Variants in HFM1 observed in about 807,000 individuals in gnomAD.
The protein encoded by HFM1 is helicase for meiosis 1.
HFM1 carries 169 observed loss-of-function variants against 192.1 expected under a neutral mutation model. That is an observed-to-expected ratio of 0.88 (90% confidence interval 0.78 to 1.00). HFM1 has a LOEUF of 1.00. Ranked by LOEUF, HFM1 falls within the 50% of genes least tolerant of loss-of-function variation. The pLI is 0.00. For missense variants in HFM1, 1,661 were observed against 1,668.0 expected (o/e 1.00, Z 0.07); for synonymous variants, 525 against 537.8 (o/e 0.98, Z 0.33).
intron 13 of HFM1, among the ~76,000 whole-genome samples, chr1:91,374,043 C>T (rs965336968): frequency 1.3e-5 from 2 of 152,044 alleles, no homozygotes; most frequent in African/African-American, 4.8e-5. Flanking sequence ...TACAGGGAAA[C>T]TGATGGCTAT....
intron 3 of HFM1, 48 bp from the exon 4 acceptor site, chr1:91,394,450 A>T: frequency 9.1e-7 from 1 of 1,097,554 alleles, no homozygotes; most frequent in Non-Finnish European, 1.3e-6. Flanking sequence ...CATTAAAGGA[A>T]ATTTTCAAAA....
At position 91,276,732 on chromosome 1, in the gene HFM1, C is replaced by T. The variant is rs1464503780; in HGVS notation, c.3484G>A (p.Val1162Ile). Residue 1162 changes from valine to isoleucine, a missense_variant, in exon 32 of 39, where the codon GTT (valine) becomes ATT (isoleucine). Val to Ile is a conservative substitution (Grantham distance 29). Transcript: ENST00000370425. ...TCTTTAATTTCTGACTTCTGTGCAA[C>T]TCCAATTTTACCTATGAAAAGAAAC... is the stretch of plus-strand genomic sequence containing the variant. ...TCGHDCCKIG[V>I]AQKSEIKEST... The T allele has an allele frequency of 6.8e-7, 1 of 1,462,632 alleles. No individual in the cohort carries two copies. The highest frequency in any genetic ancestry group is 1.3e-5 in the South Asian group (1 of 74,122). The allele number at this position is 1,462,632 out of a possible 1,614,324, so 90.6% of individuals were successfully genotyped here.
At chr1:91,285,079 C>T (rs1203506128) in intron 30 of HFM1, among the ~76,000 whole-genome samples, 1 of 152,122 alleles carries the variant, frequency 6.6e-6, no homozygotes, top group Non-Finnish European at 1.5e-5. Flanking sequence ...CTCATTCTCT[C>T]TTGTCTGCCA....
chr1:91,364,632 A>ATAT (rs753472335), intron 13 of HFM1, among the ~76,000 whole-genome samples: 997 of 66,752 alleles, frequency 0.015, 20 homozygotes, highest in South Asian at 0.028. Flanking sequence ...ATATATATAT[A>ATAT]TTTTTTTTTT....
At chr1:91,378,750 T>C (rs1048991129) in intron 9 of HFM1, among the ~76,000 whole-genome samples, 1 of 152,038 alleles carries the variant, frequency 6.6e-6, no homozygotes, top group Admixed American at 6.6e-5. Context: ...TATTTTTAAA[T>C]TCTACCAAGG....
intron 20 of HFM1, among the ~76,000 whole-genome samples, chr1:91,333,068 G>A (rs553389564): frequency 3.2e-4 from 49 of 152,230 alleles, no homozygotes; most frequent in African/African-American, 1.1e-3. Context: ...TAAAAAGAGA[G>A]CTACTATATG....
chr1:91,265,509 T>C (rs1665675963), intron 36 of HFM1, among the ~76,000 whole-genome samples: 1 of 400 alleles, frequency 2.5e-3, no homozygotes, highest in African/African-American at 2.9e-3. Context: ...TATTTGGGTT[T>C]GCGACCCGAC....
chr1:91,291,779 T>C (rs955657331), intron 30 of HFM1, among the ~76,000 whole-genome samples: 1 of 151,984 alleles, frequency 6.6e-6, no homozygotes, highest in Non-Finnish European at 1.5e-5. Flanking sequence ...ATATCCTTGA[T>C]GAACATTGAT....
intron 17 of HFM1, among the ~76,000 whole-genome samples, chr1:91,351,171 G>A (rs1309348639): frequency 2.0e-5 from 3 of 151,716 alleles, no homozygotes; most frequent in Admixed American, 1.3e-4. Flanking sequence ...ATAGGTTCCA[G>A]ATTTCCTCTA....
chr1:91,366,298 T>C (rs1322416644), intron 13 of HFM1, among the ~76,000 whole-genome samples: 2 of 152,186 alleles, frequency 1.3e-5, no homozygotes, highest in Non-Finnish European at 2.9e-5. Context: ...ACCAGATATT[T>C]CTATGTGAAT....
intron 30 of HFM1, among the ~76,000 whole-genome samples, chr1:91,285,160 C>G (rs1224028118): frequency 6.6e-6 from 1 of 152,154 alleles, no homozygotes; most frequent in African/African-American, 2.4e-5. Flanking sequence ...ACTGTGAGCC[C>G]ATCGAACCTC....
In HFM1 at chr1:91,262,294, T is replaced by G. The variant is rs760369118; in HGVS notation, c.4185A>C (p.Lys1395Asn). 2 of 1,492,048 alleles carry G rather than the reference T, an allele frequency of 1.3e-6. No individual in the cohort carries two copies. The highest frequency in any genetic ancestry group is 2.8e-5 in the African/African-American group (2 of 71,300). The allele number at this position is 1,492,048 out of a possible 1,614,324, so 92.4% of individuals were successfully genotyped here. A position where few individuals can be genotyped will look rare whatever the true frequency, so the allele number is the denominator to read the frequency against. Residue 1395 changes from lysine to asparagine, a missense_variant, in exon 38 of 39, where the codon AAA (lysine) becomes AAC (asparagine). Lys to Asn is a moderately conservative substitution (Grantham distance 94). Transcript: ENST00000370425. ...TGTTTCTAATAAAAAAATCCACTTT[T>G]TTATAATTTGAAGAATTTGGGTTTT... ...SEKNPNSSNY[K>N]KVDFFIRNSE...
rs1651096711 is a variant in HFM1 at position 91,315,761 on chromosome 1, C to A, written c.3140+54G>T. On this transcript the variant is annotated intron_variant, in intron 28 of 38. Coordinates refer to ENST00000370425, the MANE Select transcript of HFM1 (RefSeq NM_001017975.6). ...TTATTTTTTTTTCAGTAGAATTTTT[C>A]TTTTACAGTATATGCTTAGAAATAA... The A allele has an allele frequency of 1.2e-5, 16 of 1,329,894 alleles. No individual in the cohort carries two copies. In the South Asian group the frequency reaches 2.8e-4, roughly 23 times the overall value. The allele number at this position is 1,329,894 out of a possible 1,614,324, so 82.4% of individuals were successfully genotyped here.
rs1668465505 is a variant in HFM1, at chr1:91,289,547, G to A, written c.3392-12485C>T. ...GGAGGTTGTAGCGAGCCAAGAACAC[G>A]CCACTGCACTCCAGCCTGGGCAACA... On this transcript the variant is annotated intron_variant, in intron 30 of 38. Transcript: ENST00000370425. Among the ~76,000 whole-genome samples the A allele has an allele frequency of 2.0e-5, 3 of 152,118 alleles. No individual in the cohort carries two copies. In the South Asian group the frequency reaches 6.2e-4, roughly 31 times the overall value.
intron 30 of HFM1, among the ~76,000 whole-genome samples, chr1:91,291,998 A>T (rs1475029548): frequency 6.6e-6 from 1 of 152,204 alleles, no homozygotes; most frequent in Non-Finnish European, 1.5e-5. Context: ...ACAAAATTCA[A>T]CAACACTTCA....
chr1:91,296,569 A>G (rs998525152), intron 30 of HFM1, among the ~76,000 whole-genome samples: 1 of 152,066 alleles, frequency 6.6e-6, no homozygotes, highest in Admixed American at 6.5e-5. Flanking sequence ...CAACAACAAA[A>G]CCCTGCTGAA....
intron 20 of HFM1, among the ~76,000 whole-genome samples, chr1:91,340,435 T>A (rs1655173500): frequency 6.6e-6 from 1 of 152,212 alleles, no homozygotes; most frequent in Non-Finnish European, 1.5e-5. Flanking sequence ...ATCAGACCTG[T>A]CTTATGAGAG....
At chr1:91,345,573 G>T (rs1325308458) in intron 19 of HFM1, among the ~76,000 whole-genome samples, 1 of 152,122 alleles carries the variant, frequency 6.6e-6, no homozygotes, top group Non-Finnish European at 1.5e-5. Flanking sequence ...CAGATTTAAG[G>T]CAGAGCTCCA....
In HFM1 at chr1:91,350,600, A is replaced by C. The variant is rs1231626771; in HGVS notation, c.2206+138T>G. 3 of 662,602 alleles carry C rather than the reference A, an allele frequency of 4.5e-6. No homozygotes were observed. In the African/African-American group the frequency reaches 5.6e-5, roughly 12 times the overall value. 41.0% of individuals were successfully genotyped at this position (662,602 alleles called of 1,614,324 possible). On this transcript the variant is annotated intron_variant, in intron 18 of 38. Transcript: ENST00000370425. ...TCAGCTTGTCTACTCTTGTCTCTAA[A>C]TGTATTTGGGACTGTTGTTACCTTT...
Sources: allele counts gnomAD v4.1 joint callset (sites outside exome capture counted in the v4.1 genomes callset), GRCh38; gene constraint gnomAD v4.1.1; transcripts MANE v1.5; gene names NCBI Gene and HGNC (gene_info 2026-07-23, HGNC 2026-07-21).